The following FBN1 variants were observed in gnomAD, a reference collection of about 807,000 sequenced individuals.
FBN1 encodes fibrillin-1.
A neutral mutation model predicts 365.1 loss-of-function variants in FBN1; 29 were observed. The ratio of observed to expected loss-of-function variants is 0.08; its 90% CI spans 0.06 to 0.11. FBN1 has a LOEUF of 0.11. Among genes scored for constraint, FBN1 ranks in the 10% least tolerant of loss-of-function variants. The pLI is 1.00. For synonymous variants in FBN1, 1,210 were observed against 1,270.5 expected, an observed-to-expected ratio of 0.95 and a Z score of 1.01; for missense variants, 2,476 against 3,703.2, an observed-to-expected ratio of 0.67 and a Z score of 8.60.
rs2043847830 is a variant in FBN1, at chr15:48,520,816, A to G, written c.990T>C (p.Asp330=). 1 of 1,614,070 alleles carries G rather than the reference A, an allele frequency of 6.2e-7. No homozygotes were observed. Among genetic ancestry groups the G allele is most frequent in the African/African-American group, 1.3e-5 (1 of 74,926 alleles). The change falls in exon 10 of 66, where the codon GAT becomes GAC. Residue 330 remains aspartate (D), a splice_region_variant and synonymous_variant. Transcript: ENST00000316623. ...YTSPDGTRCI[D]VRPGYCYTAL... The stretch of plus-strand genomic sequence containing the variant: ...CTGTGTAACAGTATCCTGGGCGAAC[A>G]TCTGAGGACAAAGAAACACATACAC...
chr15:48,449,023 T>G (rs2043180514), intron 45 of FBN1, 130 bp from the exon 46 acceptor site: 2 of 759,662 alleles, frequency 2.6e-6, no homozygotes, highest in Non-Finnish European at 4.5e-6. Flanking sequence ...TATTTATTTT[T>G]GCATCAAAAT....
intron 6 of FBN1, among the ~76,000 whole-genome samples, chr15:48,538,871 A>C (rs1449151795): frequency 6.6e-6 from 1 of 152,170 alleles, no homozygotes; most frequent in Non-Finnish European, 1.5e-5. Flanking sequence ...GACCCCAGTA[A>C]GTTCCTTTCA....
intron 35 of FBN1, among the ~76,000 whole-genome samples, chr15:48,471,840 T>C (rs1404468997): frequency 6.6e-6 from 1 of 152,212 alleles, no homozygotes; most frequent in Non-Finnish European, 1.5e-5. Flanking sequence ...ATTTGACAAA[T>C]GTGGGTAAAG....
intron 50 of FBN1, among the ~76,000 whole-genome samples, chr15:48,439,003 A>G (rs1419729056): frequency 6.6e-6 from 1 of 151,898 alleles, no homozygotes; most frequent in Admixed American, 6.6e-5. Flanking sequence ...TGCCTTTTTC[A>G]TTCACTTCCA....
chr15:48,520,633 CTG>C, intron 10 of FBN1, 24 bp downstream of exon 10: 1 of 1,613,328 alleles, frequency 6.2e-7, no homozygotes, highest in Non-Finnish European at 8.5e-7. Flanking sequence ...ATGGGATATT[CTG>C]CAGATAACTG....
intron 6 of FBN1, among the ~76,000 whole-genome samples, chr15:48,559,937 T>C (rs2044211105): frequency 6.6e-6 from 1 of 152,142 alleles, no homozygotes; most frequent in Non-Finnish European, 1.5e-5. Flanking sequence ...TATTTCTACT[T>C]AGTACATGTG....
In FBN1 at chr15:48,489,930, A is replaced by T; in HGVS notation, c.3003T>A (p.Thr1001=). 3.7e-6 allele frequency: 6 copies of T among 1,614,138 alleles called. No homozygotes were observed. Among genetic ancestry groups the T allele is most frequent in the Non-Finnish European group, 5.1e-6 (6 of 1,180,022 alleles). The change falls in exon 25 of 66, where the codon ACT becomes ACA. Residue 1001 remains threonine (T), a synonymous_variant. Coordinates refer to ENST00000316623, the MANE Select transcript of FBN1 (RefSeq NM_000138.5). ...TCGGACACAGCTCCTCGTACTCAGG[A>T]GTATTTCTCATGGGACACTCCTCGC... The part of the protein sequence containing the change: ...EECEECPMRN[T]PEYEELCPRG...
In FBN1 at chr15:48,427,889, GAGA is replaced by G. The variant is rs773450880; in HGVS notation, c.6998-119_6998-117del. 13 of 887,918 alleles carry G rather than the reference GAGA, an allele frequency of 1.5e-5. No individual in the cohort carries two copies. In the Admixed American group the frequency reaches 2.4e-4, roughly 16 times the overall value. The allele number at this position is 887,918 out of a possible 1,614,324, so 55.0% of individuals were successfully genotyped here. A position where few individuals can be genotyped will look rare whatever the true frequency, so the allele number is the denominator to read the frequency against. On this transcript the variant is annotated intron_variant, in intron 57 of 65. Transcript: ENST00000316623. ...AAGGATGTAACACTTTACCCTGGGT[GAGA>G]AGAAGCAAGAGGGGAAAGCTGGAGA... is the stretch of plus-strand genomic sequence containing the variant.
At chr15:48,474,104 A>G (rs1032854826) in intron 34 of FBN1, 151 bp downstream of exon 34, 7 of 1,035,034 alleles carry the variant, frequency 6.8e-6, no homozygotes, top group African/African-American at 1.6e-5. Context: ...CCTGGTTCCA[A>G]TTTTTTTTTT....
At chr15:48,474,886 A>G (rs1364302208) in intron 32 of FBN1, among the ~76,000 whole-genome samples, 1 of 152,190 alleles carries the variant, frequency 6.6e-6, no homozygotes, top group African/African-American at 2.4e-5. Context: ...CCGTATTTTA[A>G]TGTAAGTTTC....
chr15:48,464,896 A>G (rs1261193480), intron 40 of FBN1, among the ~76,000 whole-genome samples: 1 of 152,214 alleles, frequency 6.6e-6, no homozygotes, highest in Non-Finnish European at 1.5e-5. Context: ...ATGTTCAACT[A>G]ATACTCAATA....
intron 63 of FBN1, 56 bp from the exon 64 acceptor site, chr15:48,415,823 G>T: frequency 6.8e-7 from 1 of 1,470,328 alleles, no homozygotes; most frequent in Non-Finnish European, 9.5e-7. Flanking sequence ...TTCTATTGAG[G>T]ACATTGGATC....
chr15:48,470,447 G>C (rs913301647), intron 36 of FBN1, among the ~76,000 whole-genome samples, 187 bp downstream of exon 36: 4 of 152,178 alleles, frequency 2.6e-5, no homozygotes, highest in Admixed American at 2.6e-4. Flanking sequence ...AATTGTCTTA[G>C]ACTCTTTCCT....
intron 60 of FBN1, among the ~76,000 whole-genome samples, chr15:48,422,923 T>A (rs1341538305): frequency 6.6e-6 from 1 of 151,744 alleles, no homozygotes; most frequent in Non-Finnish European, 1.5e-5. Context: ...TGAAACTTCG[T>A]CTCAAAACAA....
At chr15:48,543,340 A>G (rs1442129963) in intron 6 of FBN1, among the ~76,000 whole-genome samples, 2 of 152,124 alleles carry the variant, frequency 1.3e-5, no homozygotes, top group African/African-American at 4.8e-5. Context: ...GCATTCTCCA[A>G]TTGGGGCCCA....
At chr15:48,460,982 G>A (rs2043276230) in intron 42 of FBN1, among the ~76,000 whole-genome samples, 1 of 152,152 alleles carries the variant, frequency 6.6e-6, no homozygotes, top group African/African-American at 2.4e-5. Flanking sequence ...GAGATTTTGT[G>A]ATTCCAGATC....
intron 4 of FBN1, among the ~76,000 whole-genome samples, chr15:48,608,977 C>G (rs1402289783): frequency 6.6e-6 from 1 of 152,230 alleles, no homozygotes; most frequent in African/African-American, 2.4e-5. Flanking sequence ...TTTCTTCCCC[C>G]AGAGGAGTGC....
rs371159129 is a variant in FBN1, at chr15:48,610,722, A to C, written c.346+6T>G. The C allele has an allele frequency of 3.6e-5, 57 of 1,601,106 alleles. No homozygotes were observed. In the Middle Eastern group the frequency reaches 5.0e-4, roughly 14 times the overall value. ...AATATTATATATAATGACATGTTAGACTTACTGGATCTGGAGCCACAGGAA... is the reference window on the plus strand; with the variant it reads ...AATATTATATATAATGACATGTTAGCCTTACTGGATCTGGAGCCACAGGAA... On this transcript the variant is annotated splice_donor_region_variant and intron_variant, in intron 4 of 65. Coordinates refer to ENST00000316623, the MANE Select transcript of FBN1 (RefSeq NM_000138.5).
At position 48,644,713 on chromosome 15, in the gene FBN1, G is replaced by A. The variant is rs1890261910; in HGVS notation, c.57C>T (p.Ser19=). The change falls in exon 2 of 66, where the codon TCC becomes TCT. Residue 19 remains serine (S), a synonymous_variant. Coordinates refer to ENST00000316623, the MANE Select transcript of FBN1 (RefSeq NM_000138.5). ...IALGFTVLLA[S]YTSHGADANL... ...TGGCGTCCGCCCCATGGCTCGTGTAGGACGCTAAAAGCACGGTAAATCCCA... is the reference window on the plus strand; with the variant it reads ...TGGCGTCCGCCCCATGGCTCGTGTAAGACGCTAAAAGCACGGTAAATCCCA... 1.2e-6 allele frequency: 2 copies of A among 1,614,014 alleles called. No homozygotes were observed. The highest frequency in any genetic ancestry group is 2.7e-5 in the African/African-American group (2 of 74,942).
Sources: allele counts gnomAD v4.1 joint callset (sites outside exome capture counted in the v4.1 genomes callset), GRCh38; gene constraint gnomAD v4.1.1; transcripts MANE v1.5; gene names NCBI Gene and HGNC (gene_info 2026-07-23, HGNC 2026-07-21).